The following RAB2A variants were observed in gnomAD, a reference collection of about 807,000 sequenced individuals.
RAB2A encodes the protein RAB2A, member RAS oncogene family.
RAB2A carries 7 observed loss-of-function variants against 32.5 expected under a neutral mutation model. The ratio of observed to expected loss-of-function variants is 0.22; its 90% confidence interval spans 0.12 to 0.40. The LOEUF (loss-of-function observed/expected upper bound fraction) is 0.40. RAB2A is among the 10% of genes least tolerant of loss of function. The probability of loss-of-function intolerance (pLI) is 1.00; values close to 1 mark genes in which losing one functional copy is unlikely to be tolerated. For missense variants in RAB2A, 108 were observed against 260.7 expected (o/e 0.41, Z 4.03); for synonymous variants, 79 against 85.2 (o/e 0.93, Z 0.40).
chr8:60,533,094 G>C (rs190978726), intron 1 of RAB2A, among the ~76,000 whole-genome samples: 1 of 152,148 alleles, frequency 6.6e-6, no homozygotes, highest in Non-Finnish European at 1.5e-5. Flanking sequence ...TAAAATAACC[G>C]TACAAATACT....
intron 6 of RAB2A, among the ~76,000 whole-genome samples, chr8:60,605,852 T>TATATATATATATAAAA (rs777621349): frequency 1.4e-5 from 2 of 144,746 alleles, no homozygotes; most frequent in African/African-American, 5.3e-5. Flanking sequence ...TATATATATA[T>TATATATATATATAAAA]AATGCTTCAT....
chr8:60,517,873 T>C (rs1293902067), intron 1 of RAB2A, among the ~76,000 whole-genome samples: 3 of 152,204 alleles, frequency 2.0e-5, no homozygotes, highest in African/African-American at 7.2e-5. Context: ...ATCTCATTAC[T>C]TGACGGCTGG....
At chr8:60,596,479 G>A (rs1224405670) in intron 6 of RAB2A, among the ~76,000 whole-genome samples, 1 of 152,086 alleles carries the variant, frequency 6.6e-6, no homozygotes, top group Non-Finnish European at 1.5e-5. Context: ...TCAAAAAGTG[G>A]GCGAAGGATA....
At position 60,517,085 on chromosome 8, in the gene RAB2A, C is replaced by A. The variant is rs959604374; in HGVS notation, c.-123C>A. On this transcript the variant is annotated 5_prime_UTR_variant, in exon 1 of 8. Coordinates refer to ENST00000262646, the MANE Select transcript of RAB2A (RefSeq NM_002865.3). ...GCCCCTCACTCCCGGCGGCTGACAG[C>A]AGCAGCGGCGGCGGCGGGCGGCGCC... The A allele has an allele frequency of 2.7e-4, 284 of 1,047,640 alleles. 1 individual carries two copies. The Middle Eastern group carries it at 3.0e-3, about 11-fold the overall frequency. The allele number at this position is 1,047,640 out of a possible 1,614,324, so 64.9% of individuals were successfully genotyped here.
At chr8:60,614,282 T>G (rs1804411854) in intron 6 of RAB2A, among the ~76,000 whole-genome samples, 1 of 146,804 alleles carries the variant, frequency 6.8e-6, no homozygotes, top group Admixed American at 6.9e-5. Flanking sequence ...TTTATGGAGA[T>G]TTGAGCCATT....
intron 1 of RAB2A, among the ~76,000 whole-genome samples, chr8:60,547,660 C>A (rs1300622635): frequency 8.7e-6 from 1 of 114,830 alleles, no homozygotes; most frequent in Admixed American, 8.8e-5. Flanking sequence ...GGGGCTGACC[C>A]CCCCACCTCC....
In RAB2A at chr8:60,522,275, T is replaced by G. The variant is rs376332794; in HGVS notation, c.46+5022T>G. On this transcript the variant is annotated intron_variant, in intron 1 of 7. Transcript: ENST00000262646. ...TATTGGTTGAAATGGTAGGAAGACA[T>G]TAGTGCTTTGACACAGTGTTTGATT... is the stretch of plus-strand genomic sequence containing the variant. Among the ~76,000 whole-genome samples, 140 of 152,292 alleles carry G rather than the reference T, an allele frequency of 9.2e-4. 3 individuals are homozygous for G. In the South Asian group the frequency reaches 0.028, roughly 31 times the overall value.
At chr8:60,549,412 C>T (rs1343621187) in intron 1 of RAB2A, among the ~76,000 whole-genome samples, 20 of 151,788 alleles carry the variant, frequency 1.3e-4, no homozygotes, top group Admixed American at 1.1e-3. Context: ...CCGAGGCTGG[C>T]GGATCACTCG....
In RAB2A at chr8:60,584,296, A is replaced by T. The variant is rs1444191421; in HGVS notation, c.269+6A>T. 1 of 1,579,082 alleles carries T rather than the reference A, an allele frequency of 6.3e-7. No homozygotes were observed. Among genetic ancestry groups the T allele is most frequent in the Non-Finnish European group, 8.7e-7 (1 of 1,148,474 alleles). On this transcript the variant is annotated splice_donor_region_variant and intron_variant, in intron 4 of 7. Coordinates refer to ENST00000262646, the MANE Select transcript of RAB2A (RefSeq NM_002865.3). ...CTAGTTTACGATATTACACGGTGAG[A>T]ACTTGAAAACTTTGCAATTCAGTAG...
At chr8:60,599,815 A>AG (rs200071279) in intron 6 of RAB2A, among the ~76,000 whole-genome samples, 1 of 147,344 alleles carries the variant, frequency 6.8e-6, no homozygotes, top group Non-Finnish European at 1.5e-5. Context: ...TTTATCTTTT[A>AG]GGGGAAAAAA....
chr8:60,614,656 CTT>C (rs1220705840), intron 6 of RAB2A, among the ~76,000 whole-genome samples: 1 of 152,188 alleles, frequency 6.6e-6, no homozygotes, highest in African/African-American at 2.4e-5. Context: ...TATTTATAGT[CTT>C]TTGTGGTTAC....
At chr8:60,609,510 A>T (rs971789522) in intron 6 of RAB2A, among the ~76,000 whole-genome samples, 1 of 152,222 alleles carries the variant, frequency 6.6e-6, no homozygotes. Context: ...CACATGGTAG[A>T]TAACAAAAGT....
At position 60,621,046 on chromosome 8, in the gene RAB2A, G is replaced by A; in HGVS notation, c.*277G>A. The A allele has an allele frequency of 3.0e-6, 1 of 334,078 alleles. No individual in the cohort carries two copies. The highest frequency in any genetic ancestry group is 5.5e-6 in the Non-Finnish European group (1 of 181,272). The allele number at this position is 334,078 out of a possible 1,614,324, so 20.7% of individuals were successfully genotyped here. Reference sequence around the variant, plus strand: ...TGTCTTGTGCCCTTAACTACGAACTGAATTGTATTAAACACTACAAAGTCA... The same window carrying A: ...TGTCTTGTGCCCTTAACTACGAACTAAATTGTATTAAACACTACAAAGTCA... On this transcript the variant is annotated 3_prime_UTR_variant, in exon 8 of 8. Transcript: ENST00000262646.
rs1267970411 is a variant in RAB2A, at chr8:60,623,507, C to A, written c.*2738C>A. 3 of 152,122 alleles carry A rather than the reference C, an allele frequency of 2.0e-5. No homozygotes were observed. The highest frequency in any genetic ancestry group is 4.4e-5 in the Non-Finnish European group (3 of 68,020). The allele number at this position is 152,122 out of a possible 1,614,324, so 9.4% of individuals were successfully genotyped here. A position where few individuals can be genotyped will look rare whatever the true frequency, so the allele number is the denominator to read the frequency against. On this transcript the variant is annotated 3_prime_UTR_variant, in exon 8 of 8. Coordinates refer to ENST00000262646, the MANE Select transcript of RAB2A (RefSeq NM_002865.3). ...CTAAAAGATACACAAAGAGATAACG[C>A]TGTTTCATAATAAACAGGAATTGAC...
At chr8:60,616,638 G>A (rs746931783) in intron 6 of RAB2A, among the ~76,000 whole-genome samples, 5 of 152,350 alleles carry the variant, frequency 3.3e-5, no homozygotes, top group African/African-American at 9.6e-5. Context: ...CATGAAAAGC[G>A]CACTCGCGTC....
chr8:60,536,173 A>G (rs16926273), intron 1 of RAB2A, among the ~76,000 whole-genome samples: 9,695 of 152,212 alleles, frequency 0.064, 802 homozygotes, highest in African/African-American at 0.19. Context: ...ACTTTGGTAT[A>G]TATTTCAGGT....
chr8:60,610,419 C>T (rs1464811584), intron 6 of RAB2A, among the ~76,000 whole-genome samples: 1 of 152,132 alleles, frequency 6.6e-6, no homozygotes, highest in African/African-American at 2.4e-5. Context: ...TTGTCTTGGG[C>T]TTTGTTGTAA....
In RAB2A at chr8:60,609,173, G is replaced by A. The variant is rs565148879; in HGVS notation, c.475-9407G>A. 7.1e-4 allele frequency among the ~76,000 whole-genome samples: 108 copies of A among 152,192 alleles called. 1 individual carries two copies. Among genetic ancestry groups the A allele is most frequent in the African/African-American group, 2.5e-3 (103 of 41,508 alleles). The stretch of plus-strand genomic sequence containing the variant: ...TGCTCTCCATAGTAAACTAGGAGTC[G>A]ATCAGCTTTACAGTGTTCTCTCCCC... On this transcript the variant is annotated intron_variant, in intron 6 of 7. Coordinates refer to ENST00000262646, the MANE Select transcript of RAB2A (RefSeq NM_002865.3).
intron 1 of RAB2A, among the ~76,000 whole-genome samples, chr8:60,530,943 A>T (rs1807468297): frequency 6.6e-6 from 1 of 152,234 alleles, no homozygotes. Flanking sequence ...CCTGCCACTA[A>T]CTTACTAGTG....
Sources: gnomAD v4.1 joint callset for allele counts (sites outside exome capture counted in the v4.1 genomes callset) on GRCh38, gnomAD v4.1.1 for gene constraint, MANE v1.5 for transcripts, NCBI Gene and HGNC (gene_info 2026-07-23, HGNC 2026-07-21) for gene names.